CERT1: variants seen among roughly 807,000 people sequenced by gnomAD.
CERT1 encodes ceramide transporter 1.
A neutral mutation model predicts 87.9 loss-of-function variants in CERT1; 31 were observed. That is an observed-to-expected ratio of 0.35 (90% CI 0.27 to 0.48). CERT1 has a LOEUF of 0.48. CERT1 is among the 20% of genes least tolerant of loss of function. The probability of loss-of-function intolerance (pLI) is 0.99; values close to 1 mark genes in which losing one functional copy is unlikely to be tolerated. For missense variants in CERT1, 487 were observed against 758.0 expected, an observed-to-expected ratio of 0.64 and a Z score of 4.20; for synonymous variants, 289 against 250.9, an observed-to-expected ratio of 1.15 and a Z score of -1.44.
chr5:75,430,931 C>T (rs1763836213), intron 3 of CERT1, among the ~76,000 whole-genome samples: 2 of 152,140 alleles, frequency 1.3e-5, no homozygotes, highest in Admixed American at 6.5e-5. Context: ...GTCTCAGTTA[C>T]TTGGAAGGCC....
intron 4 of CERT1, among the ~76,000 whole-genome samples, 157 bp downstream of exon 4, chr5:75,426,211 GTTA>G (rs1225403546): frequency 1.3e-5 from 2 of 152,088 alleles, no homozygotes; most frequent in Admixed American, 6.6e-5. Flanking sequence ...ATCTATATGA[GTTA>G]TTATTTTATA....
At chr5:75,492,299 G>A (rs1404413967) in intron 2 of CERT1, among the ~76,000 whole-genome samples, 2 of 152,070 alleles carry the variant, frequency 1.3e-5, no homozygotes, top group Admixed American at 6.6e-5. Flanking sequence ...GGAGGTCAAG[G>A]TGGCAGCAAG....
chr5:75,385,011 AAACCCTTCCCTT>A (rs1761727321), intron 13 of CERT1, among the ~76,000 whole-genome samples: 1 of 152,172 alleles, frequency 6.6e-6, no homozygotes, highest in Admixed American at 6.5e-5. Context: ...CCTAACACTA[AAACCCTTCCCTT>A]TTCCCCAATT....
intron 6 of CERT1, among the ~76,000 whole-genome samples, chr5:75,417,238 T>A (rs888014646): frequency 6.6e-6 from 1 of 152,150 alleles, no homozygotes; most frequent in Admixed American, 6.5e-5. Context: ...TTTCAAGTCC[T>A]TTTTTTCTAG....
intron 3 of CERT1, among the ~76,000 whole-genome samples, chr5:75,435,718 A>G (rs1764066889): frequency 6.6e-6 from 1 of 152,094 alleles, no homozygotes; most frequent in Admixed American, 6.5e-5. Context: ...CTCCTTAGCG[A>G]TGTGTTCTAA....
intron 9 of CERT1, chr5:75,401,650 A>T (rs867611445): frequency 1.5e-4 from 23 of 151,896 alleles, no homozygotes; most frequent in Admixed American, 2.6e-4. Context: ...TTTTGGGTAT[A>T]AAAAAAATGA....
intron 3 of CERT1, among the ~76,000 whole-genome samples, chr5:75,451,646 C>G (rs1764773865): frequency 6.6e-6 from 1 of 152,160 alleles, no homozygotes; most frequent in Admixed American, 6.5e-5. Context: ...GAGAGGGTAT[C>G]TGTTAAAATC....
downstream of CERT1, chr5:75,373,576 G>A (rs1056732930): frequency 1.3e-5 from 2 of 152,140 alleles, no homozygotes; most frequent in Admixed American, 1.3e-4. Context: ...TATAGAAAAG[G>A]CAAAATCACA....
chr5:75,477,810 G>C (rs1176199688), intron 2 of CERT1, among the ~76,000 whole-genome samples: 1 of 151,900 alleles, frequency 6.6e-6, no homozygotes, highest in African/African-American at 2.4e-5. Flanking sequence ...TATATGAGTA[G>C]AGCTAATTGT....
At chr5:75,372,828 G>A (rs146081020), downstream of CERT1, 81 of 152,194 alleles carry the variant, frequency 5.3e-4, 1 homozygote, top group East Asian at 0.014. Context: ...ATGATTTTCC[G>A]CTTTACAAAA....
At chr5:75,427,015 T>G (rs905102997) in intron 3 of CERT1, among the ~76,000 whole-genome samples, 1 of 152,216 alleles carries the variant, frequency 6.6e-6, no homozygotes, top group African/African-American at 2.4e-5. Context: ...TTATTACTAC[T>G]GGACTTGGAT....
Position 75,385,945 on chromosome 5 carries a change from G to C in CERT1, c.1374C>G (p.Val458=). Residue 458 remains valine (V), a synonymous_variant, in exon 13 of 17, where the codon GTC becomes GTG. Coordinates refer to ENST00000643780, the MANE Select transcript of CERT1 (RefSeq NM_001379029.1). Reference sequence around the variant, plus strand: ...CGTCAACATTCCAGAAATAATTGCAGACTTCATGTCCTGTGACGCCTTTAA... The same window carrying C: ...CGTCAACATTCCAGAAATAATTGCACACTTCATGTCCTGTGACGCCTTTAA... ...HAVKGVTGHE[V]CNYFWNVDVR... 6.3e-7 allele frequency: 1 copy of C among 1,576,658 alleles called. No homozygotes were observed. The highest frequency in any genetic ancestry group is 8.6e-7 in the Non-Finnish European group (1 of 1,162,626).
intron 7 of CERT1, among the ~76,000 whole-genome samples, chr5:75,415,965 G>C (rs1763117074): frequency 6.6e-6 from 1 of 152,130 alleles, no homozygotes; most frequent in Non-Finnish European, 1.5e-5. Context: ...CTGCACTTGT[G>C]CATTCTGAAC....
At chr5:75,434,719 AC>A (rs914114867) in intron 3 of CERT1, among the ~76,000 whole-genome samples, 51 of 151,744 alleles carry the variant, frequency 3.4e-4, no homozygotes, top group African/African-American at 1.2e-3. Context: ...TCCTGGTCAA[AC>A]CTTGGAAGGT....
intron 5 of CERT1, among the ~76,000 whole-genome samples, chr5:75,420,886 A>G (rs1211029297): frequency 6.6e-6 from 1 of 151,732 alleles, no homozygotes; most frequent in Non-Finnish European, 1.5e-5. Context: ...GCAGTGGCAC[A>G]ATCTCAGCTC....
At chr5:75,511,631 C>T (rs1768012416), upstream of CERT1, 8 of 1,483,628 alleles carry the variant, frequency 5.4e-6, no homozygotes, top group East Asian at 1.5e-4. Context: ...CCACTATTTA[C>T]CCTCCCCTCC....
At chr5:75,438,364 G>C (rs1241783418) in intron 3 of CERT1, among the ~76,000 whole-genome samples, 1 of 152,120 alleles carries the variant, frequency 6.6e-6, no homozygotes, top group African/African-American at 2.4e-5. Flanking sequence ...GTTTTTATTT[G>C]CATTTATAAT....
chr5:75,457,908 G>A (rs564338404), intron 3 of CERT1, among the ~76,000 whole-genome samples: 2 of 146,936 alleles, frequency 1.4e-5, no homozygotes, highest in South Asian at 2.3e-4. Context: ...GTATAGGCGC[G>A]CGTGTGTGTG....
upstream of CERT1, chr5:75,511,890 T>C (rs1300053280): frequency 2.8e-6 from 4 of 1,454,278 alleles, no homozygotes; most frequent in Non-Finnish European, 2.8e-6. Flanking sequence ...TCCTGGGAGT[T>C]GTAGTCGCGA....
Sources: gnomAD v4.1 joint callset for allele counts (sites outside exome capture counted in the v4.1 genomes callset) on GRCh38, gnomAD v4.1.1 for gene constraint, MANE v1.5 for transcripts, NCBI Gene and HGNC (gene_info 2026-07-23, HGNC 2026-07-21) for gene names.